HYDIN: variants seen among roughly 807,000 people sequenced by gnomAD.
The protein encoded by HYDIN is HYDIN axonemal central pair apparatus protein.
A neutral mutation model predicts 403.9 loss-of-function variants in HYDIN; 132 were observed. The observed-to-expected ratio is 0.33, with a 90% CI of 0.28 to 0.38. The LOEUF (loss-of-function observed/expected upper bound fraction) is 0.38. Ranked by LOEUF, HYDIN falls within the 10% of genes least tolerant of loss-of-function variation. HYDIN has a pLI of 1.00. For missense variants in HYDIN, 2,827 were observed against 5,009.5 expected (o/e 0.56, Z 13.15); for synonymous variants, 1,202 against 1,891.7 (o/e 0.64, Z 9.46).
chr16:71,214,609 T>C (rs566351761), intron 1 of HYDIN, among the ~76,000 whole-genome samples: 1 of 152,328 alleles, frequency 6.6e-6, no homozygotes, highest in South Asian at 2.1e-4. Context: ...AGGAACCTCC[T>C]AGTGCTCACA....
chr16:70,989,304 C>T (rs1400308825), intron 25 of HYDIN, among the ~76,000 whole-genome samples: 1 of 152,126 alleles, frequency 6.6e-6, no homozygotes, highest in African/African-American at 2.4e-5. Context: ...TCCCAAAGTA[C>T]TGGGGTTACA....
chr16:70,885,658 G>T (rs1027129280), intron 58 of HYDIN, among the ~76,000 whole-genome samples: 3 of 151,572 alleles, frequency 2.0e-5, no homozygotes, highest in African/African-American at 7.3e-5. Context: ...GTAGAGGAGA[G>T]GATAAGTTCA....
At chr16:70,986,124 T>C (rs2079185490) in intron 27 of HYDIN, among the ~76,000 whole-genome samples, 1 of 123,530 alleles carries the variant, frequency 8.1e-6, no homozygotes, top group African/African-American at 3.1e-5. Flanking sequence ...TTAAAATAAA[T>C]AAATTAAAAA....
At chr16:70,980,319 AAAGT>A (rs1396778109) in intron 29 of HYDIN, among the ~76,000 whole-genome samples, 1 of 151,262 alleles carries the variant, frequency 6.6e-6, no homozygotes, top group Non-Finnish European at 1.5e-5. Context: ...CCTGGGTAAC[AAAGT>A]AAGATCCTAT....
chr16:70,951,309 T>G (rs1490834310), intron 41 of HYDIN, among the ~76,000 whole-genome samples: 1 of 141,928 alleles, frequency 7.0e-6, no homozygotes. Flanking sequence ...AGAGAGAAAC[T>G]TCACAACTAT....
At chr16:70,876,000 C>T (rs974973433) in intron 62 of HYDIN, among the ~76,000 whole-genome samples, 1 of 151,966 alleles carries the variant, frequency 6.6e-6, no homozygotes, top group African/African-American at 2.4e-5. Flanking sequence ...AATTGCTAGA[C>T]TAAATATATA....
chr16:71,130,481 T>G (rs112005149), intron 8 of HYDIN, among the ~76,000 whole-genome samples: 1,361 of 134,610 alleles, frequency 0.01, 14 homozygotes, highest in Non-Finnish European at 0.017. Context: ...TTTTTTTTTT[T>G]TTTTTTTTTT....
intron 45 of HYDIN, among the ~76,000 whole-genome samples, chr16:70,928,385 G>A (rs1398297321): frequency 6.6e-6 from 1 of 152,294 alleles, no homozygotes; most frequent in East Asian, 1.9e-4. Flanking sequence ...GAGCCTGGGG[G>A]AGATCAAGGC....
At chr16:70,905,632 T>TAAA (rs10718035) in intron 50 of HYDIN, among the ~76,000 whole-genome samples, 3 of 99,538 alleles carry the variant, frequency 3.0e-5, no homozygotes, top group Admixed American at 1.0e-4. Context: ...GACCCTATCT[T>TAAA]AAAAAAAAAA....
intron 8 of HYDIN, among the ~76,000 whole-genome samples, chr16:71,134,250 T>C (rs2084824936): frequency 6.6e-6 from 1 of 151,710 alleles, no homozygotes. Context: ...TTTCAGCCCC[T>C]GGAGATGAAT....
chr16:71,186,918 C>G lies in HYDIN; in HGVS notation c.-23G>C, dbSNP rs370160375. 10 of 1,593,862 alleles carry G rather than the reference C, an allele frequency of 6.3e-6. No homozygotes were observed. In the South Asian group the frequency reaches 1.1e-4, roughly 18 times the overall value. Reference sequence around the variant, plus strand: ...CATTTTTAGTAATTTTTTTTTCTCACCTAAGAGTGAAACAAAAATGTCTTA... The same window carrying G: ...CATTTTTAGTAATTTTTTTTTCTCAGCTAAGAGTGAAACAAAAATGTCTTA... On this transcript the variant is annotated splice_region_variant and 5_prime_UTR_variant, in exon 2 of 86. Transcript: ENST00000393567.
At chr16:70,916,608 G>A (rs2076847063) in intron 47 of HYDIN, among the ~76,000 whole-genome samples, 3 of 152,086 alleles carry the variant, frequency 2.0e-5, no homozygotes, top group Non-Finnish European at 2.9e-5. Context: ...TTCACAATGC[G>A]AGACTTGCTG....
chr16:71,084,140 ATTT>A (rs2082865716), intron 12 of HYDIN, among the ~76,000 whole-genome samples: 2 of 142,378 alleles, frequency 1.4e-5, no homozygotes, highest in African/African-American at 5.4e-5. Context: ...AAATTGAATT[ATTT>A]ATTGAGTTAT....
intron 10 of HYDIN, among the ~76,000 whole-genome samples, chr16:71,101,775 G>A (rs1327924417): frequency 6.6e-6 from 1 of 152,140 alleles, no homozygotes; most frequent in Non-Finnish European, 1.5e-5. Context: ...CCCCTTTGGA[G>A]AAGTCTGATT....
intron 48 of HYDIN, 53 bp from the exon 49 acceptor site, chr16:70,908,487 A>G: frequency 1.6e-6 from 2 of 1,269,828 alleles, no homozygotes; most frequent in Non-Finnish European, 2.2e-6. Flanking sequence ...TCTGGCCAAG[A>G]GAAGACAGGA....
At chr16:70,818,736 C>T (rs956271930) in intron 83 of HYDIN, among the ~76,000 whole-genome samples, 164 bp from the exon 84 acceptor site, 6 of 145,868 alleles carry the variant, frequency 4.1e-5, no homozygotes, top group Non-Finnish European at 7.5e-5. Context: ...TCCCTGCCAG[C>T]CAGACTTTCT....
chr16:70,983,757 A>G (rs1271852224), intron 28 of HYDIN, among the ~76,000 whole-genome samples: 1 of 150,336 alleles, frequency 6.7e-6, no homozygotes. Flanking sequence ...GTAACAATAT[A>G]AGTAACAAAA....
intron 4 of HYDIN, among the ~76,000 whole-genome samples, chr16:71,178,716 A>G (rs538173969): frequency 2.6e-5 from 4 of 152,278 alleles, no homozygotes; most frequent in Admixed American, 2.6e-4. Flanking sequence ...GGAGTTCACT[A>G]CGTGTTAGGC....
chr16:71,141,512 T>A (rs1792548951), intron 7 of HYDIN, among the ~76,000 whole-genome samples: 1 of 151,862 alleles, frequency 6.6e-6, no homozygotes, highest in Admixed American at 6.6e-5. Flanking sequence ...AATAAATACA[T>A]GACCCATCCA....
Sources: allele counts gnomAD v4.1 joint callset (sites outside exome capture counted in the v4.1 genomes callset), GRCh38; gene constraint gnomAD v4.1.1; transcripts MANE v1.5; gene names NCBI Gene and HGNC (gene_info 2026-07-23, HGNC 2026-07-21).